The following SENP7 variants were observed in gnomAD, a reference collection of about 807,000 sequenced individuals.
SENP7 encodes the protein SUMO specific peptidase 7.
SENP7 carries 64 observed loss-of-function variants against 141.2 expected under a neutral mutation model. That is an observed-to-expected ratio of 0.45 (90% CI 0.37 to 0.56). SENP7 has a LOEUF of 0.56. Among genes scored for constraint, SENP7 ranks in the 20% least tolerant of loss-of-function variants. The pLI is 0.00. For missense variants in SENP7, 1,025 were observed against 1,212.2 expected, an observed-to-expected ratio of 0.85 and a Z score of 2.29; for synonymous variants, 382 against 426.4, an observed-to-expected ratio of 0.90 and a Z score of 1.28.
chr3:101,349,489 G>T (rs1046652524), intron 12 of SENP7, among the ~76,000 whole-genome samples: 1 of 152,128 alleles, frequency 6.6e-6, no homozygotes, highest in African/African-American at 2.4e-5. Flanking sequence ...ACCTATGAGT[G>T]AGAACATGTG....
intron 16 of SENP7, among the ~76,000 whole-genome samples, chr3:101,339,063 A>G (rs1044930907): frequency 1.3e-5 from 2 of 152,240 alleles, no homozygotes; most frequent in African/African-American, 4.8e-5. Context: ...ATTAGCAGAA[A>G]ATAATATTAA....
chr3:101,468,475 A>T (rs1374334214), intron 3 of SENP7, among the ~76,000 whole-genome samples: 1 of 152,250 alleles, frequency 6.6e-6, no homozygotes, highest in Non-Finnish European at 1.5e-5. Context: ...CGAGTTACTC[A>T]CAAAGGGAAG....
chr3:101,510,729 T>C (rs762440624), intron 1 of SENP7, among the ~76,000 whole-genome samples: 1 of 151,234 alleles, frequency 6.6e-6, no homozygotes, highest in Non-Finnish European at 1.5e-5. Flanking sequence ...GACAGGCACC[T>C]GTAATCTCAG....
intron 12 of SENP7, among the ~76,000 whole-genome samples, chr3:101,349,138 A>C (rs2059548756): frequency 6.6e-6 from 1 of 152,108 alleles, no homozygotes; most frequent in African/African-American, 2.4e-5. Flanking sequence ...AAATATGAAA[A>C]TCTTTCCATG....
At chr3:101,478,271 G>A (rs971274008) in intron 3 of SENP7, among the ~76,000 whole-genome samples, 3 of 152,014 alleles carry the variant, frequency 2.0e-5, no homozygotes, top group African/African-American at 4.8e-5. Flanking sequence ...CAATCCCAGC[G>A]CTTTGAAAGG....
At chr3:101,481,901 G>T (rs2064498798) in intron 3 of SENP7, among the ~76,000 whole-genome samples, 1 of 152,158 alleles carries the variant, frequency 6.6e-6, no homozygotes, top group Non-Finnish European at 1.5e-5. Context: ...AGCAATTACA[G>T]CGAGGTTGCA....
intron 1 of SENP7, among the ~76,000 whole-genome samples, chr3:101,510,206 A>T (rs529479315): frequency 1.6e-4 from 24 of 152,282 alleles, no homozygotes; most frequent in African/African-American, 5.8e-4. Flanking sequence ...ACTTCAGTGA[A>T]CCTGTCTCTG....
chr3:101,429,176 T>C (rs1409015977), intron 4 of SENP7, among the ~76,000 whole-genome samples: 1 of 151,092 alleles, frequency 6.6e-6, no homozygotes, highest in Non-Finnish European at 1.5e-5. Flanking sequence ...CTACGCGGGC[T>C]CTTTTTTGGT....
At chr3:101,330,500 A>T (rs2059021100) in intron 19 of SENP7, 114 bp from the exon 20 acceptor site, 1 of 551,816 alleles carries the variant, frequency 1.8e-6, no homozygotes, top group Admixed American at 3.7e-5. Flanking sequence ...CAGTAAAAAT[A>T]CTTGAGATTT....
chr3:101,442,553 G>A (rs116218646), intron 4 of SENP7, among the ~76,000 whole-genome samples: 1,591 of 152,122 alleles, frequency 0.01, 21 homozygotes, highest in African/African-American at 0.036. Context: ...AACAGGCCAC[G>A]GACCAGTACC....
intron 6 of SENP7, among the ~76,000 whole-genome samples, chr3:101,391,494 A>G (rs1046104052): frequency 1.2e-4 from 19 of 152,164 alleles, no homozygotes; most frequent in African/African-American, 4.6e-4. Context: ...TCTCAAGGAA[A>G]CTGAAAAATT....
intron 3 of SENP7, among the ~76,000 whole-genome samples, chr3:101,460,144 T>C (rs2063500940): frequency 1.3e-5 from 2 of 152,174 alleles, no homozygotes; most frequent in South Asian, 4.1e-4. Flanking sequence ...CAAAATGACC[T>C]CCAGATTCCA....
At chr3:101,463,380 T>TATATATATATATAC (rs1553744719) in intron 3 of SENP7, among the ~76,000 whole-genome samples, 90 of 72,112 alleles carry the variant, frequency 1.2e-3, no homozygotes, top group Admixed American at 4.2e-3. Flanking sequence ...TATATATATA[T>TATATATATATATAC]ATATATATAT....
intron 14 of SENP7, 39 bp downstream of exon 14, chr3:101,343,647 C>A: frequency 6.5e-7 from 1 of 1,544,918 alleles, no homozygotes; most frequent in South Asian, 1.3e-5. Context: ...TTTTCTGAAC[C>A]TCCCCCTTCT....
chr3:101,493,781 CAT>C, intron 3 of SENP7, 90 bp downstream of exon 3: 1 of 719,214 alleles, frequency 1.4e-6, no homozygotes. Context: ...AAAAAAGGGA[CAT>C]ATCAGAAAAT....
intron 4 of SENP7, among the ~76,000 whole-genome samples, chr3:101,427,131 G>C (rs1300501766): frequency 2.0e-5 from 3 of 152,032 alleles, no homozygotes; most frequent in Admixed American, 1.3e-4. Context: ...ATACCAAAAA[G>C]CTTATTCATC....
intron 3 of SENP7, among the ~76,000 whole-genome samples, chr3:101,490,657 TACTCTTA>T (rs1386486111): frequency 3.3e-5 from 5 of 152,234 alleles, no homozygotes; most frequent in South Asian, 2.1e-4. Context: ...CATCTAACTT[TACTCTTA>T]AGATTGCCTG....
intron 4 of SENP7, among the ~76,000 whole-genome samples, chr3:101,454,795 T>C (rs1219290367): frequency 6.6e-6 from 1 of 152,140 alleles, no homozygotes; most frequent in Non-Finnish European, 1.5e-5. Context: ...AAAAATCAAA[T>C]CTTATAGAGA....
rs563954725 is a variant in SENP7, at chr3:101,477,807, C to T, written c.186+16066G>A. Reference sequence around the variant, plus strand: ...TAGAGGTTGCAGTGAGCCAAGATCACGCCACTGCACTCCAGCCTGGGTGGC... The same window carrying T: ...TAGAGGTTGCAGTGAGCCAAGATCATGCCACTGCACTCCAGCCTGGGTGGC... On this transcript the variant is annotated intron_variant, in intron 3 of 23. Transcript: ENST00000394095. 6.0e-5 allele frequency among the ~76,000 whole-genome samples: 9 copies of T among 150,792 alleles called. No homozygotes were observed. The East Asian group carries it at 1.4e-3, about 23-fold the overall frequency.
Sources: allele counts gnomAD v4.1 joint callset (sites outside exome capture counted in the v4.1 genomes callset), GRCh38; gene constraint gnomAD v4.1.1; transcripts MANE v1.5; gene names NCBI Gene and HGNC (gene_info 2026-07-23, HGNC 2026-07-21).